Variants in NOX4 observed in about 807,000 individuals in gnomAD.
NOX4 encodes the protein kidney oxidase-1.
Under a neutral mutation model 87.6 loss-of-function variants are expected in NOX4, and 69 were observed. That is an observed-to-expected ratio of 0.79 (90% confidence interval 0.65 to 0.96). NOX4 has a LOEUF of 0.96. NOX4 is among the 40% of genes least tolerant of loss of function. The pLI, the probability that NOX4 is intolerant of heterozygous loss-of-function variation, is 0.00. For missense variants in NOX4, 680 were observed against 681.5 expected (o/e 1.00, Z 0.02); for synonymous variants, 275 against 238.2 (o/e 1.15, Z -1.42).
the NOX4 span, among the ~76,000 whole-genome samples, chr11:89,552,225 G>C: frequency 6.6e-6 from 1 of 152,130 alleles, no homozygotes; most frequent in Non-Finnish European, 1.5e-5. Context: ...TACACAAAAG[G>C]AAACTGAAAC....
Position 89,485,495 on chromosome 11 carries a change from C to A in NOX4, c.153+4963G>T, listed in dbSNP as rs562595259. Among the ~76,000 whole-genome samples, 22 of 152,002 alleles carry A rather than the reference C, an allele frequency of 1.4e-4. No individual in the cohort carries two copies. The South Asian group carries it at 4.4e-3, about 30-fold the overall frequency. ...ATGTTTATGGGAATTACATGATATT[C>A]TTTAATTATTAAAATGTAAAAAACG... On this transcript the variant is annotated intron_variant, in intron 2 of 17. Coordinates refer to ENST00000263317, the MANE Select transcript of NOX4 (RefSeq NM_016931.5).
At chr11:89,369,859 C>T (rs2135044768) in intron 12 of NOX4, among the ~76,000 whole-genome samples, 2 of 151,086 alleles carry the variant, frequency 1.3e-5, no homozygotes, top group East Asian at 3.9e-4. Context: ...AATATGTTGT[C>T]ATAATAAAGT....
At chr11:89,408,770 C>T (rs1359810085) in intron 8 of NOX4, among the ~76,000 whole-genome samples, 1 of 152,130 alleles carries the variant, frequency 6.6e-6, no homozygotes, top group African/African-American at 2.4e-5. Flanking sequence ...TGCACCGGAC[C>T]TTGCTCTTTA....
chr11:89,362,173 GAC>G (rs148208109), intron 12 of NOX4, among the ~76,000 whole-genome samples: 32,479 of 146,486 alleles, frequency 0.22, 6,179 homozygotes, highest in African/African-American at 0.52. Flanking sequence ...CACAGACACA[GAC>G]ACACACACAC....
chr11:89,480,665 C>G (rs1946359413), intron 2 of NOX4, among the ~76,000 whole-genome samples: 1 of 152,068 alleles, frequency 6.6e-6, no homozygotes, highest in Non-Finnish European at 1.5e-5. Flanking sequence ...TTAGCTTCCT[C>G]TCATGAATAG....
At chr11:89,570,296 T>G in the NOX4 span, among the ~76,000 whole-genome samples, 1 of 152,276 alleles carries the variant, frequency 6.6e-6, no homozygotes, top group Non-Finnish European at 1.5e-5. Flanking sequence ...AAGTGGGAGC[T>G]AAATATTGAG....
chr11:89,575,266 T>G, the NOX4 span, among the ~76,000 whole-genome samples: 1 of 119,296 alleles, frequency 8.4e-6, no homozygotes, highest in African/African-American at 3.0e-5. Context: ...TGGAGGTACA[T>G]TGTAGTAAGT....
intron 2 of NOX4, among the ~76,000 whole-genome samples, chr11:89,452,458 A>AACTAGGAGAGAACCCACTGGTAT (rs2135391065): frequency 6.6e-6 from 1 of 152,312 alleles, no homozygotes; most frequent in Non-Finnish European, 1.5e-5. Context: ...CCTGATCGGA[A>AACTAGGAGAGAACCCACTGGTAT]ACTAGGAGAG....
the NOX4 span, among the ~76,000 whole-genome samples, chr11:89,554,336 G>A: frequency 6.6e-6 from 1 of 151,992 alleles, no homozygotes; most frequent in South Asian, 2.1e-4. Context: ...ATGTATTTTT[G>A]AGTTTTATAT....
upstream of NOX4, among the ~76,000 whole-genome samples, chr11:89,492,991 C>A (rs907150460): frequency 7.9e-5 from 12 of 152,190 alleles, no homozygotes; most frequent in African/African-American, 2.9e-4. Context: ...TAATAATGTA[C>A]CTACTAAGTC....
chr11:89,442,919 C>G (rs193104269), intron 5 of NOX4, among the ~76,000 whole-genome samples: 1 of 152,062 alleles, frequency 6.6e-6, no homozygotes, highest in South Asian at 2.1e-4. Flanking sequence ...GGGCAGGAAA[C>G]AAGTAGCTAG....
intron 3 of NOX4, among the ~76,000 whole-genome samples, chr11:89,450,013 G>C (rs1451499577): frequency 1.3e-5 from 2 of 152,142 alleles, no homozygotes; most frequent in Non-Finnish European, 2.9e-5. Context: ...TCTATAGTTT[G>C]AAATGCCTGT....
intron 13 of NOX4, among the ~76,000 whole-genome samples, chr11:89,352,927 C>G (rs1937672658): frequency 6.6e-6 from 1 of 152,164 alleles, no homozygotes; most frequent in South Asian, 2.1e-4. Flanking sequence ...TCAAGCAATT[C>G]TCCTGCCTCA....
Position 89,491,312 on chromosome 11 carries a change from G to T in NOX4, c.-66C>A, listed in dbSNP as rs1040602123. On this transcript the variant is annotated 5_prime_UTR_variant, in exon 1 of 18. Transcript: ENST00000263317. ...CGAGAAGGAGCGGGCGGCGGCCGGG[G>T]CAGCGGTTACAGTTGTGCGGCCTGC... 3.7e-5 allele frequency: 55 copies of T among 1,476,108 alleles called. No individual in the cohort carries two copies. In the African/African-American group the frequency reaches 7.1e-4, roughly 19 times the overall value. 91.4% of individuals were successfully genotyped at this position (1,476,108 alleles called of 1,614,324 possible).
At chr11:89,482,060 T>C (rs1020721491) in intron 2 of NOX4, among the ~76,000 whole-genome samples, 1 of 152,070 alleles carries the variant, frequency 6.6e-6, no homozygotes, top group African/African-American at 2.4e-5. Flanking sequence ...TGCTAATTTA[T>C]CTGATTTTCT....
intron 12 of NOX4, among the ~76,000 whole-genome samples, chr11:89,369,744 A>ATTTG (rs71893993): frequency 0.47 from 70,309 of 149,768 alleles, 19,079 homozygotes; most frequent in Non-Finnish European, 0.59. Flanking sequence ...TTATTTATTT[A>ATTTG]TTTGTTTGTT....
the NOX4 span, among the ~76,000 whole-genome samples, chr11:89,566,317 C>G: frequency 6.6e-6 from 1 of 152,164 alleles, no homozygotes; most frequent in Non-Finnish European, 1.5e-5. Context: ...GCTGGGATTA[C>G]AGGTGTGAGC....
intron 4 of NOX4, among the ~76,000 whole-genome samples, chr11:89,446,114 G>A (rs1414980272): frequency 6.6e-6 from 1 of 152,054 alleles, no homozygotes; most frequent in African/African-American, 2.4e-5. Context: ...ACGAAAAGAT[G>A]ATCCACATTA....
the NOX4 span, among the ~76,000 whole-genome samples, chr11:89,503,249 T>A: frequency 6.6e-6 from 1 of 151,960 alleles, no homozygotes; most frequent in African/African-American, 2.4e-5. Context: ...TATCATGAGG[T>A]CACAGAGAGA....
Sources: gnomAD v4.1 joint callset for allele counts (sites outside exome capture counted in the v4.1 genomes callset) on GRCh38, gnomAD v4.1.1 for gene constraint, MANE v1.5 for transcripts, NCBI Gene and HGNC (gene_info 2026-07-23, HGNC 2026-07-21) for gene names.